CYTH3: variants seen among roughly 807,000 people sequenced by gnomAD.
CYTH3 encodes cytohesin-3.
In CYTH3, 23 loss-of-function variants were observed where a neutral mutation model predicts 55.1. That is an observed-to-expected ratio of 0.42 (90% confidence interval 0.30 to 0.59). CYTH3 has a LOEUF of 0.59. Among genes scored for constraint, CYTH3 ranks in the 20% least tolerant of loss-of-function variants. The probability of loss-of-function intolerance (pLI) is 0.20; values close to 1 mark genes in which losing one functional copy is unlikely to be tolerated. For missense variants in CYTH3, 413 were observed against 524.8 expected, an observed-to-expected ratio of 0.79 and a Z score of 2.08; for synonymous variants, 249 against 194.9, an observed-to-expected ratio of 1.28 and a Z score of -2.31.
chr7:6,251,289 A>T (rs895457000), intron 1 of CYTH3, among the ~76,000 whole-genome samples: 1 of 152,018 alleles, frequency 6.6e-6, no homozygotes, highest in African/African-American at 2.4e-5. Context: ...AAAAATAAAT[A>T]AAATAAAATA....
chr7:6,203,520 C>G (rs1784108792), intron 1 of CYTH3, among the ~76,000 whole-genome samples: 1 of 152,156 alleles, frequency 6.6e-6, no homozygotes, highest in Non-Finnish European at 1.5e-5. Context: ...GCAGAAAATT[C>G]TGCAAAACAT....
chr7:6,177,664 C>A (rs561773327), intron 5 of CYTH3, among the ~76,000 whole-genome samples, 159 bp downstream of exon 5: 19 of 152,354 alleles, frequency 1.2e-4, no homozygotes, highest in Middle Eastern at 3.4e-3. Context: ...ACCGGTTGCA[C>A]TGGGCTCGCT....
At position 6,173,518 on chromosome 7, in the gene CYTH3, C is replaced by T. The variant is rs532832333; in HGVS notation, c.449+135G>A. ...TGTCACACAGCATTAGCTGGATCAT[C>T]CGGAAAAGGAGCCAGCATCTGTGAG... On this transcript the variant is annotated intron_variant, in intron 6 of 12. Transcript: ENST00000350796. 4.0e-5 allele frequency: 28 copies of T among 691,584 alleles called. No individual in the cohort carries two copies. The East Asian group carries it at 6.8e-4, about 17-fold the overall frequency. 42.8% of individuals were successfully genotyped at this position (691,584 alleles called of 1,614,324 possible).
At chr7:6,195,713 G>C (rs918052249) in intron 1 of CYTH3, among the ~76,000 whole-genome samples, 1 of 152,026 alleles carries the variant, frequency 6.6e-6, no homozygotes, top group Non-Finnish European at 1.5e-5. Flanking sequence ...CAACTAACAG[G>C]TCATCTCCAT....
At chr7:6,215,115 G>T (rs1320472430) in intron 1 of CYTH3, among the ~76,000 whole-genome samples, 1 of 152,140 alleles carries the variant, frequency 6.6e-6, no homozygotes, top group African/African-American at 2.4e-5. Context: ...GTACTGGTTG[G>T]ATTTTAAAAC....
At chr7:6,272,422 C>T (rs1355120513) in intron 1 of CYTH3, 52 bp downstream of exon 1, 3 of 1,082,936 alleles carry the variant, frequency 2.8e-6, no homozygotes, top group African/African-American at 1.7e-5. Context: ...CCCCCAGCCC[C>T]CGGCCCCCGA....
At position 6,188,356 on chromosome 7, in the gene CYTH3, CA is replaced by C. The variant is rs879833353; in HGVS notation, c.118-636del. On this transcript the variant is annotated intron_variant, in intron 2 of 12. Coordinates refer to ENST00000350796, the MANE Select transcript of CYTH3 (RefSeq NM_004227.4). ...TCTTTTTTTAAAAAAAACAAAAAAA[CA>C]AAAAAAAAAAGCCCAGCAAAAGGAA... is the stretch of plus-strand genomic sequence containing the variant. Among the ~76,000 whole-genome samples the C allele has an allele frequency of 6.7e-4, 92 of 137,280 alleles. 1 individual carries two copies. The highest frequency in any genetic ancestry group is 5.8e-4 in the Non-Finnish European group (36 of 62,508). The allele number at this position is 137,280 out of a possible 152,430, so 90.1% of individuals were successfully genotyped here.
At chr7:6,179,587 GACAC>G (rs138381423) in intron 4 of CYTH3, among the ~76,000 whole-genome samples, 1 of 143,280 alleles carries the variant, frequency 7.0e-6, no homozygotes, top group Non-Finnish European at 1.5e-5. Flanking sequence ...TTACAAGACA[GACAC>G]ACACACACAC....
Position 6,163,492 on chromosome 7 carries a change from CCGGCCCGGGT to C in CYTH3, c.*1442_*1451del, listed in dbSNP as rs1249620931. ...TCCCGACAGAGAACAGCGTCTGCCACCGGCCCGGGTCGGCCCAAGCACACAATGCCCCCGG... is the reference window on the plus strand; with the variant it reads ...TCCCGACAGAGAACAGCGTCTGCCACCGGCCCAAGCACACAATGCCCCCGG... On this transcript the variant is annotated 3_prime_UTR_variant, in exon 13 of 13. Coordinates refer to ENST00000350796, the MANE Select transcript of CYTH3 (RefSeq NM_004227.4). The C allele has an allele frequency of 6.6e-6, 1 of 152,492 alleles. No individual in the cohort carries two copies. Among genetic ancestry groups the C allele is most frequent in the Non-Finnish European group, 1.5e-5 (1 of 68,254 alleles). The allele number at this position is 152,492 out of a possible 1,614,324, so 9.4% of individuals were successfully genotyped here.
At chr7:6,207,096 T>C (rs975642191) in intron 1 of CYTH3, among the ~76,000 whole-genome samples, 1 of 137,268 alleles carries the variant, frequency 7.3e-6, no homozygotes, top group East Asian at 2.3e-4. Context: ...CTTTTTTTTT[T>C]TTTTTTTTTT....
chr7:6,192,397 T>A lies in CYTH3; in HGVS notation c.35-1866A>T, dbSNP rs540490750. On this transcript the variant is annotated intron_variant, in intron 1 of 12. Coordinates refer to ENST00000350796, the MANE Select transcript of CYTH3 (RefSeq NM_004227.4). ...CATGTCTGGCTAATTTTTTTTTTTT[T>A]AAATTTAAAGACAGGGTCTTGCTAT... is the stretch of plus-strand genomic sequence containing the variant. Among the ~76,000 whole-genome samples, 108 of 151,762 alleles carry A rather than the reference T, an allele frequency of 7.1e-4. No homozygotes were observed. In the Middle Eastern group the frequency reaches 0.017, roughly 24 times the overall value.
intron 5 of CYTH3, 131 bp from the exon 6 acceptor site, chr7:6,173,864 A>G (rs540946415): frequency 1.5e-6 from 1 of 655,902 alleles, no homozygotes; most frequent in Non-Finnish European, 2.8e-6. Context: ...TTTTTAAAAC[A>G]TTTGTATTTT....
At chr7:6,217,721 C>G (rs547860905) in intron 1 of CYTH3, among the ~76,000 whole-genome samples, 119 of 152,266 alleles carry the variant, frequency 7.8e-4, no homozygotes, top group African/African-American at 2.7e-3. Context: ...AGAACACTCC[C>G]ACCAACAGCA....
chr7:6,272,411 ACCCCCAG>A (rs1286273013), intron 1 of CYTH3, 56 bp downstream of exon 1: 27 of 433,986 alleles, frequency 6.2e-5, no homozygotes, highest in Non-Finnish European at 9.9e-5. Context: ...CGCGCCCTCG[ACCCCCAG>A]CCCCCGGCCC....
intron 5 of CYTH3, among the ~76,000 whole-genome samples, chr7:6,174,016 T>C (rs1449356793): frequency 2.0e-5 from 3 of 151,908 alleles, no homozygotes; most frequent in South Asian, 4.2e-4. Context: ...TTTATTTCTA[T>C]TGAGTAAATA....
At chr7:6,172,858 G>C (rs776861755) in intron 6 of CYTH3, 1 of 1,272,664 alleles carries the variant, frequency 7.9e-7, no homozygotes, top group South Asian at 1.3e-5. Context: ...TGCGCTGTGA[G>C]CACAACATCA....
rs748165947 is a variant in CYTH3, at chr7:6,238,530, G to A, written c.34+33944C>T. Among the ~76,000 whole-genome samples, 6 of 152,256 alleles carry A rather than the reference G, an allele frequency of 3.9e-5. No individual in the cohort carries two copies. The South Asian group carries it at 8.3e-4, about 21-fold the overall frequency. ...TAATGTCAATAACCTATACAAACAGGCAGGCATATTGAGTAAGCAAAAGTA... is the reference window on the plus strand; with the variant it reads ...TAATGTCAATAACCTATACAAACAGACAGGCATATTGAGTAAGCAAAAGTA... On this transcript the variant is annotated intron_variant, in intron 1 of 12. Transcript: ENST00000350796.
intron 1 of CYTH3, among the ~76,000 whole-genome samples, chr7:6,207,780 T>C (rs1340470495): frequency 1.3e-5 from 2 of 152,080 alleles, no homozygotes; most frequent in African/African-American, 2.4e-5. Flanking sequence ...TGAAACTCCA[T>C]CTCCACAACA....
At chr7:6,193,322 A>T (rs1783847264) in intron 1 of CYTH3, among the ~76,000 whole-genome samples, 1 of 151,664 alleles carries the variant, frequency 6.6e-6, no homozygotes, top group Non-Finnish European at 1.5e-5. Context: ...GGTTGCACTG[A>T]GCCAAGATCG....
Sources: gnomAD v4.1 joint callset for allele counts (sites outside exome capture counted in the v4.1 genomes callset) on GRCh38, gnomAD v4.1.1 for gene constraint, MANE v1.5 for transcripts, NCBI Gene and HGNC (gene_info 2026-07-23, HGNC 2026-07-21) for gene names.